SHROOM3: variants seen among roughly 807,000 people sequenced by gnomAD.
The protein encoded by SHROOM3 is protein Shroom3.
In SHROOM3, 47 loss-of-function variants were observed where a neutral mutation model predicts 138.6. The observed-to-expected ratio is 0.34, with a 90% CI of 0.27 to 0.43. The LOEUF (loss-of-function observed/expected upper bound fraction) is 0.43, where lower values mean the gene tolerates loss of function less well. Ranked by LOEUF, SHROOM3 falls within the 20% of genes least tolerant of loss-of-function variation. The pLI is 1.00. For missense variants in SHROOM3, 2,491 were observed against 2,596.5 expected (o/e 0.96, Z 0.88); for synonymous variants, 1,062 against 1,063.3 (o/e 1.00, Z 0.02).
At chr4:76,765,975 G>A (rs905288098) in intron 9 of SHROOM3, among the ~76,000 whole-genome samples, 15 of 152,170 alleles carry the variant, frequency 9.9e-5, no homozygotes, top group African/African-American at 3.1e-4. Flanking sequence ...ATCATATGTT[G>A]TGGTTTCCGC....
At chr4:76,468,591 G>A (rs962899622) in intron 1 of SHROOM3, among the ~76,000 whole-genome samples, 3 of 150,730 alleles carry the variant, frequency 2.0e-5, no homozygotes, top group Admixed American at 6.6e-5. Flanking sequence ...AGCCAAAATT[G>A]TATTATATAT....
At chr4:76,573,403 AAT>A (rs1241786932) in intron 2 of SHROOM3, among the ~76,000 whole-genome samples, 7 of 147,940 alleles carry the variant, frequency 4.7e-5, no homozygotes, top group African/African-American at 1.5e-4. Flanking sequence ...TAATAATAAT[AAT>A]AATAATAATA....
At chr4:76,624,420 G>A (rs910053645) in intron 2 of SHROOM3, among the ~76,000 whole-genome samples, 3 of 152,116 alleles carry the variant, frequency 2.0e-5, no homozygotes, top group Admixed American at 6.6e-5. Context: ...CTTTGCTCCC[G>A]TGGTGACTTC....
intron 1 of SHROOM3, among the ~76,000 whole-genome samples, chr4:76,527,547 C>T (rs1249500143): frequency 1.3e-5 from 2 of 152,208 alleles, no homozygotes; most frequent in African/African-American, 4.8e-5. Flanking sequence ...CGTGCCACTG[C>T]ACTCCAGCCT....
intron 10 of SHROOM3, among the ~76,000 whole-genome samples, chr4:76,777,841 C>T (rs1313522656): frequency 2.0e-5 from 3 of 152,112 alleles, no homozygotes; most frequent in African/African-American, 7.2e-5. Flanking sequence ...ACATATGCTA[C>T]AATATCATAG....
At chr4:76,482,591 T>C (rs1476293540) in intron 1 of SHROOM3, among the ~76,000 whole-genome samples, 1 of 152,092 alleles carries the variant, frequency 6.6e-6, no homozygotes. Context: ...AATTTATAGA[T>C]CCAATGCTAT....
intron 2 of SHROOM3, among the ~76,000 whole-genome samples, chr4:76,582,375 TA>T (rs542251189): frequency 1.3e-3 from 196 of 145,276 alleles, no homozygotes; most frequent in African/African-American, 1.3e-3. Flanking sequence ...ACCCAGAAAT[TA>T]AAAAAAAAAA....
chr4:76,618,783 T>TAA (rs1577922964), intron 2 of SHROOM3, among the ~76,000 whole-genome samples: 1 of 152,256 alleles, frequency 6.6e-6, no homozygotes, highest in East Asian at 1.9e-4. Context: ...TTCTGTTTTG[T>TAA]TAGTTGACTC....
intron 2 of SHROOM3, among the ~76,000 whole-genome samples, chr4:76,594,317 G>A (rs1218477715): frequency 6.6e-6 from 1 of 152,172 alleles, no homozygotes; most frequent in Non-Finnish European, 1.5e-5. Flanking sequence ...CTCTGTGAGG[G>A]CAGAGAACAT....
chr4:76,567,034 T>C (rs1023332967), intron 2 of SHROOM3, among the ~76,000 whole-genome samples: 1 of 152,192 alleles, frequency 6.6e-6, no homozygotes, highest in Non-Finnish European at 1.5e-5. Flanking sequence ...CTTAGTACAG[T>C]TTGTCAGTGC....
At chr4:76,735,611 G>T (rs1447610522) in intron 4 of SHROOM3, among the ~76,000 whole-genome samples, 2 of 151,618 alleles carry the variant, frequency 1.3e-5, no homozygotes, top group African/African-American at 4.8e-5. Flanking sequence ...AGGCCAAGGA[G>T]GGTGGATCAT....
intron 1 of SHROOM3, among the ~76,000 whole-genome samples, chr4:76,543,516 A>G (rs1168444198): frequency 2.6e-5 from 4 of 152,236 alleles, no homozygotes; most frequent in Non-Finnish European, 4.4e-5. Context: ...GTTAGGCTAC[A>G]GTAACAAACA....
chr4:76,702,278 C>T (rs1322463294), intron 2 of SHROOM3, among the ~76,000 whole-genome samples: 1 of 152,090 alleles, frequency 6.6e-6, no homozygotes, highest in African/African-American at 2.4e-5. Flanking sequence ...TTTTTCTTTT[C>T]TTCTTTACAA....
chr4:76,474,759 C>CA (rs199871978), intron 1 of SHROOM3, among the ~76,000 whole-genome samples: 7,782 of 151,634 alleles, frequency 0.051, 241 homozygotes, highest in African/African-American at 0.083. Context: ...ACTAAAAATA[C>CA]AAAAAACAAC....
chr4:76,575,742 T>G (rs1479201537), intron 2 of SHROOM3: 1 of 152,146 alleles, frequency 6.6e-6, no homozygotes, highest in Non-Finnish European at 1.5e-5. Context: ...AAGATCTCTA[T>G]AATAAAAACT....
chr4:76,494,724 G>A (rs182266919), intron 1 of SHROOM3, among the ~76,000 whole-genome samples: 1 of 152,318 alleles, frequency 6.6e-6, no homozygotes, highest in East Asian at 1.9e-4. Flanking sequence ...TATCCTGAGG[G>A]TGAGTAGTGG....
rs1386450076 is a variant in SHROOM3, at chr4:76,774,716, TTTTG to T, written c.5622+3822_5622+3825del. On this transcript the variant is annotated intron_variant, in intron 10 of 10. Coordinates refer to ENST00000296043, the MANE Select transcript of SHROOM3 (RefSeq NM_020859.4). ...CCCTCAGGGTTTTTTGGGGTTTTTT[TTTTG>T]TTTTTTTTTTTTTTAAGGTATGTTT... Among the ~76,000 whole-genome samples, 198 of 133,714 alleles carry T rather than the reference TTTTG, an allele frequency of 1.5e-3. 1 individual carries two copies. The highest frequency in any genetic ancestry group is 4.4e-3 in the South Asian group (18 of 4,104). The allele number at this position is 133,714 out of a possible 152,430, so 87.7% of individuals were successfully genotyped here.
chr4:76,742,238 T>C (rs1721287353), intron 5 of SHROOM3: 1 of 417,896 alleles, frequency 2.4e-6, no homozygotes, highest in Admixed American at 3.8e-5. Flanking sequence ...GGATTATCTT[T>C]TTTGTTTTTT....
chr4:76,608,673 T>TAGCATAGCACAGCACAGCAC (rs1734692965), intron 2 of SHROOM3, among the ~76,000 whole-genome samples: 1 of 108,040 alleles, frequency 9.3e-6, no homozygotes, highest in African/African-American at 3.5e-5. Flanking sequence ...TAGCACAGCA[T>TAGCATAGCACAGCACAGCAC]AGCACAGCAC....
Sources: gnomAD v4.1 joint callset for allele counts (sites outside exome capture counted in the v4.1 genomes callset) on GRCh38, gnomAD v4.1.1 for gene constraint, MANE v1.5 for transcripts, NCBI Gene and HGNC (gene_info 2026-07-23, HGNC 2026-07-21) for gene names.